Variants in DCAF10 observed in about 807,000 individuals in gnomAD.
DCAF10 encodes the protein DDB1 and CUL4 associated factor 10, also known as DDB1- and CUL4-associated factor 10.
In DCAF10, 19 loss-of-function variants were observed where a neutral mutation model predicts 51.9. The observed-to-expected ratio is 0.37, with a 90% CI of 0.26 to 0.54. DCAF10 has a LOEUF of 0.54. DCAF10 is among the 20% of genes least tolerant of loss of function. The pLI is 0.87. For missense variants in DCAF10, 510 were observed against 730.6 expected (o/e 0.70, Z 3.48); for synonymous variants, 291 against 297.1 (o/e 0.98, Z 0.21).
chr9:37,864,542 C>A lies in DCAF10; in HGVS notation c.*3034C>A. 6.6e-6 allele frequency: 1 copy of A among 151,114 alleles called. No individual in the cohort carries two copies. The highest frequency in any genetic ancestry group is 2.1e-4 in the South Asian group (1 of 4,788). The allele number at this position is 151,114 out of a possible 1,614,324, so 9.4% of individuals were successfully genotyped here. A position where few individuals can be genotyped will look rare whatever the true frequency, so the allele number is the denominator to read the frequency against. On this transcript the variant is annotated 3_prime_UTR_variant, in exon 7 of 7. Coordinates refer to ENST00000377724, the MANE Select transcript of DCAF10 (RefSeq NM_024345.5). ...GAGGTTGCAGTGAGCCGAGATCGCA[C>A]CACTGTACTCTAGCCTGACCAGCAG...
chr9:37,835,405 C>G (rs779228998), intron 2 of DCAF10, among the ~76,000 whole-genome samples: 2 of 152,024 alleles, frequency 1.3e-5, no homozygotes, highest in Non-Finnish European at 1.5e-5. Context: ...ATGGTGAAAC[C>G]CTGTCTCTAC....
chr9:37,801,215 G>A lies in DCAF10; in HGVS notation c.349G>A (p.Gly117Ser), dbSNP rs1828926934. Residue 117 changes from glycine to serine, a missense_variant, in exon 1 of 7, where the codon GGC becomes AGC. Gly to Ser is a moderately conservative substitution (Grantham distance 56). Transcript: ENST00000377724. The surrounding 1 kb of genome is among the most constrained non-coding windows in gnomAD (Gnocchi z 5.5). The part of the protein sequence containing the change: ...RGRHGLGAGL[G>S]GPGARLFGWL... The stretch of plus-strand genomic sequence containing the variant: ...CCGACACGGCCTCGGCGCGGGCCTG[G>A]GCGGCCCTGGCGCTAGGCTGTTCGG... The A allele has an allele frequency of 3.2e-6, 5 of 1,561,836 alleles. No individual in the cohort carries two copies. Among genetic ancestry groups the A allele is most frequent in the Non-Finnish European group, 4.3e-6 (5 of 1,156,452 alleles).
chr9:37,826,591 A>G (rs1008573075), intron 2 of DCAF10, among the ~76,000 whole-genome samples: 4 of 152,140 alleles, frequency 2.6e-5, no homozygotes, highest in African/African-American at 9.7e-5. Flanking sequence ...GTGGGAGAGC[A>G]CTGGAGCCAA....
chr9:37,856,514 A>C lies in DCAF10; in HGVS notation c.1055-727A>C, dbSNP rs568927025. Among the ~76,000 whole-genome samples, 21 of 152,386 alleles carry C rather than the reference A, an allele frequency of 1.4e-4. No homozygotes were observed. The South Asian group carries it at 4.3e-3, about 32-fold the overall frequency. On this transcript the variant is annotated intron_variant, in intron 4 of 6. Transcript: ENST00000377724. ...AACATTACAGGAAATTAGACTAGTA[A>C]GAATTCTTAACATAGGTATGGGACC...
At chr9:37,854,672 T>C in intron 3 of DCAF10, 108 bp from the exon 4 acceptor site, 3 of 1,011,810 alleles carry the variant, frequency 3.0e-6, no homozygotes. Context: ...TTGACCAAGC[T>C]CTTCTCATCC....
At chr9:37,843,909 A>T (rs1038728151) in intron 3 of DCAF10, among the ~76,000 whole-genome samples, 1 of 152,222 alleles carries the variant, frequency 6.6e-6, no homozygotes, top group Non-Finnish European at 1.5e-5. Context: ...TTTGTAAGGG[A>T]CACAGTTAAA....
chr9:37,824,590 AAATAG>A, intron 2 of DCAF10, among the ~76,000 whole-genome samples: 1 of 152,088 alleles, frequency 6.6e-6, no homozygotes, highest in Non-Finnish European at 1.5e-5. Context: ...AAGGGATGAT[AAATAG>A]AATATAGAAA....
intron 1 of DCAF10, among the ~76,000 whole-genome samples, chr9:37,803,556 TCTC>T (rs1036734470): frequency 6.6e-6 from 1 of 151,474 alleles, no homozygotes; most frequent in African/African-American, 2.4e-5. Context: ...CACATGCCTG[TCTC>T]CTCATACCCT....
intron 2 of DCAF10, among the ~76,000 whole-genome samples, chr9:37,827,188 A>T (rs1829878867): frequency 6.6e-6 from 1 of 152,158 alleles, no homozygotes; most frequent in African/African-American, 2.4e-5. Flanking sequence ...TCAGAACAAA[A>T]TCCTTGCGTA....
intron 2 of DCAF10, among the ~76,000 whole-genome samples, chr9:37,831,185 C>G (rs920396290): frequency 2.6e-5 from 4 of 152,140 alleles, no homozygotes; most frequent in African/African-American, 9.7e-5. Context: ...CCACTGCACT[C>G]CAGCCTGGGC....
chr9:37,850,352 C>T (rs942366175), intron 3 of DCAF10, among the ~76,000 whole-genome samples: 1 of 152,146 alleles, frequency 6.6e-6, no homozygotes, highest in Non-Finnish European at 1.5e-5. Context: ...CAGCACTATT[C>T]ACAGTAGCCA....
chr9:37,810,152 TAAAA>T (rs747571357), intron 1 of DCAF10, among the ~76,000 whole-genome samples: 2 of 141,330 alleles, frequency 1.4e-5, no homozygotes, highest in African/African-American at 5.2e-5. Context: ...AACTCCATCT[TAAAA>T]AAAAAAAAAA....
At chr9:37,850,379 T>C (rs1362901171) in intron 3 of DCAF10, among the ~76,000 whole-genome samples, 1 of 152,156 alleles carries the variant, frequency 6.6e-6, no homozygotes, top group Non-Finnish European at 1.5e-5. Context: ...GGAGTTAACC[T>C]AAACGTCCAT....
rs1203722615 is a variant in DCAF10, at chr9:37,861,681, G to GA, written c.*173_*174insA. The GA allele has an allele frequency of 1.5e-5, 13 of 853,050 alleles. No individual in the cohort carries two copies. The South Asian group carries it at 2.5e-4, about 17-fold the overall frequency. The allele number at this position is 853,050 out of a possible 1,614,324, so 52.8% of individuals were successfully genotyped here. ...GTACTTGGTCATCCAGCATCATACA[G>GA]GCATCTCCAAGTTAGACTCTATGCA... is the stretch of plus-strand genomic sequence containing the variant. On this transcript the variant is annotated 3_prime_UTR_variant, in exon 7 of 7. Transcript: ENST00000377724. This position sits in a 1 kb window ranked among gnomAD's most constrained non-coding sequence, Gnocchi z 4.9.
At chr9:37,802,651 T>G (rs983170734) in intron 1 of DCAF10, among the ~76,000 whole-genome samples, 3 of 152,248 alleles carry the variant, frequency 2.0e-5, no homozygotes, top group Non-Finnish European at 2.9e-5. Flanking sequence ...GCAAGTAGAC[T>G]CTATTCCATT....
chr9:37,828,223 G>A (rs13440027), intron 2 of DCAF10, among the ~76,000 whole-genome samples: 28,831 of 152,056 alleles, frequency 0.19, 3,118 homozygotes, highest in African/African-American at 0.29. Context: ...TCCAGCACTC[G>A]TGCATGTGTG....
rs116447422 is a variant in DCAF10, at chr9:37,858,871, A to C, written c.1166-1177A>C. Among the ~76,000 whole-genome samples the C allele has an allele frequency of 4.8e-3, 726 of 152,242 alleles. 4 individuals are homozygous for C. Among genetic ancestry groups the C allele is most frequent in the African/African-American group, 0.016 (676 of 41,552 alleles). On this transcript the variant is annotated intron_variant, in intron 5 of 6. Coordinates refer to ENST00000377724, the MANE Select transcript of DCAF10 (RefSeq NM_024345.5). Reference sequence around the variant, plus strand: ...ATCAAAGTAGCTCTGGTTCAAGAAAAATTAGGGAGGCTCTTGACCCTCCAG... The same window carrying C: ...ATCAAAGTAGCTCTGGTTCAAGAAACATTAGGGAGGCTCTTGACCCTCCAG...
chr9:37,809,394 T>TA (rs60722292), intron 1 of DCAF10, among the ~76,000 whole-genome samples: 1,334 of 129,166 alleles, frequency 0.01, 17 homozygotes, highest in African/African-American at 0.03. Flanking sequence ...GGAAATATAG[T>TA]AAAAAAAAAA....
intron 3 of DCAF10, among the ~76,000 whole-genome samples, chr9:37,852,624 G>A (rs532287750): frequency 6.6e-6 from 1 of 151,956 alleles, no homozygotes; most frequent in Non-Finnish European, 1.5e-5. Context: ...AAGATTTTCA[G>A]AACAGGCTGG....
Sources: gnomAD v4.1 joint callset for allele counts (sites outside exome capture counted in the v4.1 genomes callset) on GRCh38, gnomAD v4.1.1 for gene constraint, Gnocchi (gnomAD v3.1) non-coding constraint, MANE v1.5 for transcripts, NCBI Gene and HGNC (gene_info 2026-07-23, HGNC 2026-07-21) for gene names.